Variants in SFT2D1 observed in about 807,000 individuals in gnomAD.
SFT2D1 encodes the protein vesicle transport protein SFT2A.
Under a neutral mutation model 28.1 loss-of-function variants are expected in SFT2D1, and 24 were observed. The ratio of observed to expected loss-of-function variants is 0.85; its 90% CI spans 0.62 to 1.20. The LOEUF (loss-of-function observed/expected upper bound fraction) is 1.20, where lower values mean the gene tolerates loss of function less well. Ranked by LOEUF, SFT2D1 falls within the 50% of genes most tolerant of loss-of-function variation. The pLI, the probability that SFT2D1 is intolerant of heterozygous loss-of-function variation, is 0.00. For synonymous variants in SFT2D1, 82 were observed against 73.7 expected, an observed-to-expected ratio of 1.11 and a Z score of -0.58; for missense variants, 181 against 190.9, an observed-to-expected ratio of 0.95 and a Z score of 0.31.
chr6:166,326,089 G>A (rs747606664), intron 5 of SFT2D1, 43 bp downstream of exon 5: 4 of 1,579,968 alleles, frequency 2.5e-6, no homozygotes, highest in African/African-American at 1.4e-5. Flanking sequence ...TGGGGTGGGG[G>A]GCACACAGTT....
chr6:166,339,784 C>T (rs375921870), intron 1 of SFT2D1, among the ~76,000 whole-genome samples: 5 of 152,284 alleles, frequency 3.3e-5, no homozygotes, highest in Middle Eastern at 3.4e-3. Context: ...CTGTCTTTGC[C>T]GGCTTCTGCT....
intron 1 of SFT2D1, among the ~76,000 whole-genome samples, chr6:166,332,445 G>C (rs954411096): frequency 4.6e-5 from 7 of 152,128 alleles, no homozygotes; most frequent in African/African-American, 1.7e-4. Context: ...TAGTAGAAAC[G>C]GGGTTTCACT....
At chr6:166,342,290 A>G in intron 1 of SFT2D1, 129 bp downstream of exon 1, 1 of 771,024 alleles carries the variant, frequency 1.3e-6, no homozygotes, top group South Asian at 2.1e-5. Flanking sequence ...GAGCCCTCCT[A>G]AATCAACCAG....
chr6:166,337,650 T>C (rs998288780), intron 1 of SFT2D1, among the ~76,000 whole-genome samples: 5 of 152,144 alleles, frequency 3.3e-5, no homozygotes, highest in Admixed American at 3.3e-4. Flanking sequence ...ATACTTACAA[T>C]CTTCTAAGTG....
chr6:166,331,838 G>C (rs1052959160), intron 1 of SFT2D1, among the ~76,000 whole-genome samples: 1 of 152,194 alleles, frequency 6.6e-6, no homozygotes, highest in Non-Finnish European at 1.5e-5. Flanking sequence ...GATTTCTAAA[G>C]GTTCGTGTGA....
chr6:166,329,616 A>G (rs755361681), intron 2 of SFT2D1, 27 bp from the exon 3 acceptor site: 1 of 1,531,962 alleles, frequency 6.5e-7, no homozygotes, highest in Non-Finnish European at 8.8e-7. Flanking sequence ...TAGTTATTTT[A>G]AAATAATTTT....
intron 4 of SFT2D1, among the ~76,000 whole-genome samples, 190 bp from the exon 5 acceptor site, chr6:166,326,357 CTT>C (rs977254632): frequency 4.6e-5 from 7 of 152,102 alleles, no homozygotes; most frequent in Admixed American, 4.6e-4. Context: ...TGCAATATTC[CTT>C]GGCAAATTGG....
intron 1 of SFT2D1, chr6:166,335,187 T>C: frequency 1.6e-6 from 1 of 619,754 alleles, no homozygotes; most frequent in African/African-American, 1.8e-5. Context: ...TTGGTGGTGG[T>C]TGTGGAGGTG....
intron 3 of SFT2D1, among the ~76,000 whole-genome samples, chr6:166,328,600 T>G (rs1778495343): frequency 6.6e-6 from 1 of 152,218 alleles, no homozygotes; most frequent in Non-Finnish European, 1.5e-5. Flanking sequence ...AAGACCGGAC[T>G]AGGCTGTGAG....
intron 1 of SFT2D1, among the ~76,000 whole-genome samples, chr6:166,337,994 G>A (rs542603285): frequency 6.6e-6 from 1 of 152,122 alleles, no homozygotes; most frequent in South Asian, 2.1e-4. Flanking sequence ...ATAACCAGAG[G>A]CAACAGTGTG....
At chr6:166,338,233 C>T (rs1044677292) in intron 1 of SFT2D1, among the ~76,000 whole-genome samples, 1 of 152,208 alleles carries the variant, frequency 6.6e-6, no homozygotes, top group Non-Finnish European at 1.5e-5. Context: ...ATGTTCTTGT[C>T]ATCTAACTCC....
At chr6:166,327,141 A>G (rs1778460314) in intron 4 of SFT2D1, among the ~76,000 whole-genome samples, 1 of 152,248 alleles carries the variant, frequency 6.6e-6, no homozygotes, top group South Asian at 2.1e-4. Context: ...ATTTCCTTAT[A>G]AATTAACATA....
intron 1 of SFT2D1, among the ~76,000 whole-genome samples, chr6:166,332,056 A>G (rs1778562587): frequency 6.6e-6 from 1 of 152,238 alleles, no homozygotes; most frequent in South Asian, 2.1e-4. Flanking sequence ...CTTTAAAACG[A>G]AACAGCAGGA....
intron 4 of SFT2D1, among the ~76,000 whole-genome samples, chr6:166,327,283 A>C (rs1033992454): frequency 6.6e-5 from 10 of 152,206 alleles, no homozygotes; most frequent in African/African-American, 2.4e-4. Flanking sequence ...AGGCAGAGGC[A>C]GGATGCAGAA....
intron 1 of SFT2D1, among the ~76,000 whole-genome samples, chr6:166,337,658 G>C (rs188644033): frequency 6.6e-6 from 1 of 152,308 alleles, no homozygotes; most frequent in African/African-American, 2.4e-5. Flanking sequence ...AATCTTCTAA[G>C]TGGGAAAGGC....
At chr6:166,327,801 A>C in intron 4 of SFT2D1, among the ~76,000 whole-genome samples, 1 of 151,950 alleles carries the variant, frequency 6.6e-6, no homozygotes, top group East Asian at 1.9e-4. Context: ...CATAGGATAT[A>C]TTTTTTTTTT....
chr6:166,319,954 G>T lies in SFT2D1; in HGVS notation c.*263C>A. 2.9e-6 allele frequency: 1 copy of T among 344,996 alleles called. No individual in the cohort carries two copies. Among genetic ancestry groups the T allele is most frequent in the South Asian group, 6.1e-5 (1 of 16,510 alleles). 21.4% of individuals were successfully genotyped at this position (344,996 alleles called of 1,614,324 possible). A position where few individuals can be genotyped will look rare whatever the true frequency, so the allele number is the denominator to read the frequency against. ...CTGCTTTGAAAAGATTTAAAAATTG[G>T]CTAAAAATAATTTACAACTGGCAGT... On this transcript the variant is annotated 3_prime_UTR_variant, in exon 8 of 8. Transcript: ENST00000361731.
At chr6:166,341,172 G>A (rs1253047018) in intron 1 of SFT2D1, among the ~76,000 whole-genome samples, 3 of 151,978 alleles carry the variant, frequency 2.0e-5, no homozygotes, top group Admixed American at 1.3e-4. Context: ...TGCTCCAGGC[G>A]CAGTGGCTCA....
At chr6:166,328,408 G>A in intron 3 of SFT2D1, 51 bp from the exon 4 acceptor site, 1 of 1,072,248 alleles carries the variant, frequency 9.3e-7, no homozygotes. Flanking sequence ...AATTTATCTG[G>A]TTATGCAAAA....
Sources: allele counts gnomAD v4.1 joint callset (sites outside exome capture counted in the v4.1 genomes callset), GRCh38; gene constraint gnomAD v4.1.1; transcripts MANE v1.5; gene names NCBI Gene and HGNC (gene_info 2026-07-23, HGNC 2026-07-21).